Variants in ANKS3 observed in about 807,000 individuals in gnomAD.
The protein encoded by ANKS3 is ankyrin repeat and sterile alpha motif domain containing 3.
Under a neutral mutation model 80.7 loss-of-function variants are expected in ANKS3, and 62 were observed. The observed-to-expected ratio is 0.77, with a 90% CI of 0.63 to 0.95. The LOEUF is 0.95. ANKS3 is among the 40% of genes least tolerant of loss of function. The probability of loss-of-function intolerance (pLI) is 0.00; values close to 1 mark genes in which losing one functional copy is unlikely to be tolerated. For missense variants in ANKS3, 1,150 were observed against 883.6 expected, an observed-to-expected ratio of 1.30 and a Z score of -3.82; for synonymous variants, 489 against 355.3, an observed-to-expected ratio of 1.38 and a Z score of -4.23.
intron 6 of ANKS3, among the ~76,000 whole-genome samples, chr16:4,715,576 A>C (rs973105168): frequency 2.0e-5 from 3 of 152,256 alleles, no homozygotes; most frequent in Admixed American, 2.0e-4. Context: ...AGCCTGGGCA[A>C]TAGAGCGAGA....
At chr16:4,704,679 T>C (rs2080091123) in intron 8 of ANKS3, among the ~76,000 whole-genome samples, 1 of 152,142 alleles carries the variant, frequency 6.6e-6, no homozygotes, top group African/African-American at 2.4e-5. Flanking sequence ...CAGGGCCTGT[T>C]TTCTTGGCCT....
rs972779470 is a variant in ANKS3, at chr16:4,734,121, G to A, written c.-254C>T. Reference sequence around the variant, plus strand: ...CGGGTCTAGGCGGGCTGCAGGTGCCGGCAAGTGCTGGGGCCGGGCCGCCGC... The same window carrying A: ...CGGGTCTAGGCGGGCTGCAGGTGCCAGCAAGTGCTGGGGCCGGGCCGCCGC... On this transcript the variant is annotated 5_prime_UTR_variant, in exon 1 of 18. Coordinates refer to ENST00000304283, the MANE Select transcript of ANKS3 (RefSeq NM_133450.4). 6.0e-5 allele frequency: 46 copies of A among 761,688 alleles called. No homozygotes were observed. The African/African-American group carries it at 8.5e-4, about 14-fold the overall frequency. 47.2% of individuals were successfully genotyped at this position (761,688 alleles called of 1,614,324 possible). A position where few individuals can be genotyped will look rare whatever the true frequency, so the allele number is the denominator to read the frequency against.
intron 1 of ANKS3, among the ~76,000 whole-genome samples, chr16:4,732,666 G>A (rs979896966): frequency 6.8e-5 from 6 of 88,200 alleles, no homozygotes; most frequent in African/African-American, 1.3e-4. Context: ...GCAACAGAGC[G>A]AAATTCTGTC....
At chr16:4,724,236 A>C (rs859298) in intron 6 of ANKS3, among the ~76,000 whole-genome samples, 66,426 of 152,044 alleles carry the variant, frequency 0.44, 17,252 homozygotes, top group East Asian at 0.65. Flanking sequence ...TTGTACACGG[A>C]ATACTGTACA....
intron 11 of ANKS3, 116 bp from the exon 12 acceptor site, chr16:4,699,292 T>C: frequency 2.9e-6 from 4 of 1,400,842 alleles, no homozygotes; most frequent in Non-Finnish European, 3.9e-6. Context: ...CAGTGCCTTG[T>C]GTGTGGCGCC....
At chr16:4,701,399 C>A in intron 10 of ANKS3, 35 bp downstream of exon 10, 1 of 1,533,268 alleles carries the variant, frequency 6.5e-7, no homozygotes, top group South Asian at 1.2e-5. Context: ...AGCCAGGGAC[C>A]GGCTATGGGA....
intron 6 of ANKS3, among the ~76,000 whole-genome samples, chr16:4,720,376 C>T (rs528342356): frequency 1.3e-5 from 2 of 150,136 alleles, no homozygotes; most frequent in Admixed American, 6.7e-5. Flanking sequence ...GCAGGAAAAT[C>T]GCTTGAACCT....
intron 13 of ANKS3, 54 bp downstream of exon 13, chr16:4,698,746 G>A: frequency 1.3e-6 from 2 of 1,557,034 alleles, no homozygotes; most frequent in South Asian, 1.2e-5. Context: ...TGTCAGAGAT[G>A]GAGCCAACTC....
Position 4,701,515 on chromosome 16 carries a change from C to A in ANKS3, c.1038G>T (p.Gly346=). 6.2e-7 allele frequency: 1 copy of A among 1,611,602 alleles called. No homozygotes were observed. Among genetic ancestry groups the A allele is most frequent in the Non-Finnish European group, 8.5e-7 (1 of 1,178,834 alleles). Residue 346 remains glycine (G), a synonymous_variant, in exon 10 of 18, where the codon GGG becomes GGT. Coordinates refer to ENST00000304283, the MANE Select transcript of ANKS3 (RefSeq NM_133450.4). The part of the protein sequence containing the change: ...REEHAFCANL[G]PVQSSSSSEG... ...CGCTGCTGCTGCTGCTCTGGACGGG[C>A]CCCAGGTTGGCACAGAAAGCATGTT...
chr16:4,732,445 G>C (rs2081673357), intron 1 of ANKS3, among the ~76,000 whole-genome samples: 1 of 152,158 alleles, frequency 6.6e-6, no homozygotes, highest in South Asian at 2.1e-4. Context: ...ATGAGAACCA[G>C]ACCAAGCGTG....
At chr16:4,712,117 T>G (rs2080522703) in intron 7 of ANKS3, among the ~76,000 whole-genome samples, 1 of 152,232 alleles carries the variant, frequency 6.6e-6, no homozygotes, top group South Asian at 2.1e-4. Context: ...ACGCCTGTAA[T>G]CCCAGCACTT....
intron 6 of ANKS3, among the ~76,000 whole-genome samples, chr16:4,714,948 T>A (rs1318650101): frequency 8.2e-6 from 1 of 122,156 alleles, no homozygotes; most frequent in Non-Finnish European, 1.6e-5. Context: ...GCTGAGATCA[T>A]GCCACTGCAC....
rs200554062 is a variant in ANKS3 at position 4,701,053 on chromosome 16, G to T, written c.1201C>A (p.Pro401Thr). 1.9e-6 allele frequency: 3 copies of T among 1,613,980 alleles called. No homozygotes were observed. The highest frequency in any genetic ancestry group is 2.5e-6 in the Non-Finnish European group (3 of 1,180,044). The change falls in exon 11 of 18, where the codon CCT (proline) becomes ACT (threonine). Residue 401 changes from proline (P) to threonine (T), a missense_variant. Physicochemically the swap from Pro to Thr is conservative, Grantham distance 38. Transcript: ENST00000304283. ...TCCCTGTCAGTTGCAGCGCGGGGAG[G>T]CCACTGGCTGTCAGGATTCTTGGTC... is the stretch of plus-strand genomic sequence containing the variant. ...MKTKNPDSQWPPRAATDREGF... is the reference protein window; with the variant it reads ...MKTKNPDSQWTPRAATDREGF...
intron 13 of ANKS3, 64 bp from the exon 14 acceptor site, chr16:4,698,663 C>G (rs557930179): frequency 1.3e-6 from 2 of 1,521,200 alleles, no homozygotes; most frequent in African/African-American, 2.7e-5. Flanking sequence ...CCCTTGGCCA[C>G]GGCCCTGTCC....
chr16:4,711,728 A>T (rs2080497407), intron 7 of ANKS3, among the ~76,000 whole-genome samples: 1 of 151,594 alleles, frequency 6.6e-6, no homozygotes, highest in Non-Finnish European at 1.5e-5. Flanking sequence ...CAAAAAAAAA[A>T]AAAAAAAAAG....
intron 6 of ANKS3, among the ~76,000 whole-genome samples, chr16:4,716,691 G>A (rs1416417064): frequency 6.6e-6 from 1 of 152,136 alleles, no homozygotes; most frequent in Admixed American, 6.5e-5. Flanking sequence ...ACCAAGGTGG[G>A]TGGATCATAG....
intron 11 of ANKS3, chr16:4,700,702 C>A: frequency 1.7e-6 from 1 of 574,778 alleles, no homozygotes; most frequent in South Asian, 1.8e-5. Context: ...GTGTGCTTTT[C>A]TTCTCCCCAG....
In ANKS3 at chr16:4,722,147, T is replaced by G. The variant is rs2081135037; in HGVS notation, c.573+2603A>C. ...CTGGTCTGCATGTGTACCATGTGCA[T>G]GTTGTGTCCCAAAATTCTTTGTTAA... On this transcript the variant is annotated intron_variant, in intron 6 of 17. Coordinates refer to ENST00000304283, the MANE Select transcript of ANKS3 (RefSeq NM_133450.4). Among the ~76,000 whole-genome samples, 3 of 151,460 alleles carry G rather than the reference T, an allele frequency of 2.0e-5. No individual in the cohort carries two copies. The South Asian group carries it at 6.3e-4, about 32-fold the overall frequency.
At chr16:4,723,296 C>A (rs1017647888) in intron 6 of ANKS3, among the ~76,000 whole-genome samples, 6 of 152,232 alleles carry the variant, frequency 3.9e-5, no homozygotes, top group African/African-American at 1.4e-4. Context: ...TTCCCATTCC[C>A]CAAGACCCAG....
Sources: gnomAD v4.1 joint callset for allele counts (sites outside exome capture counted in the v4.1 genomes callset) on GRCh38, gnomAD v4.1.1 for gene constraint, MANE v1.5 for transcripts, NCBI Gene and HGNC (gene_info 2026-07-23, HGNC 2026-07-21) for gene names.